AFG2A: variants seen among roughly 807,000 people sequenced by gnomAD.
The protein encoded by AFG2A is AAA ATPase AFG2A, also known as ATPase family gene 2 protein homolog A.
chr4:123,288,499 T>A, the AFG2A span, among the ~76,000 whole-genome samples: 1 of 152,146 alleles, frequency 6.6e-6, no homozygotes, highest in African/African-American at 2.4e-5. Context: ...ATGTTGAAAG[T>A]TCTTCTCTGC....
At chr4:123,099,972 G>A in the AFG2A span, among the ~76,000 whole-genome samples, 1 of 151,822 alleles carries the variant, frequency 6.6e-6, no homozygotes, top group Non-Finnish European at 1.5e-5. Flanking sequence ...AATATTTGAT[G>A]TTGTCAACGT....
At chr4:123,235,730 A>G in the AFG2A span, among the ~76,000 whole-genome samples, 2 of 152,208 alleles carry the variant, frequency 1.3e-5, no homozygotes. Flanking sequence ...TGCTGTTCTC[A>G]GTGCCCAGGG....
At chr4:122,999,274 T>C in the AFG2A span, among the ~76,000 whole-genome samples, 1 of 152,018 alleles carries the variant, frequency 6.6e-6, no homozygotes, top group African/African-American at 2.4e-5. Flanking sequence ...CTCACTCTGC[T>C]GGTAATTTCT....
At chr4:123,302,462 T>C in the AFG2A span, among the ~76,000 whole-genome samples, 1 of 152,182 alleles carries the variant, frequency 6.6e-6, no homozygotes. Flanking sequence ...ACAATTATCT[T>C]GACTATAATT....
the AFG2A span, among the ~76,000 whole-genome samples, chr4:123,305,886 T>C: frequency 6.6e-6 from 1 of 152,242 alleles, no homozygotes; most frequent in African/African-American, 2.4e-5. Context: ...ATTGTTCTTA[T>C]TCTTCATGGC....
At chr4:123,050,945 T>A in the AFG2A span, among the ~76,000 whole-genome samples, 1 of 152,056 alleles carries the variant, frequency 6.6e-6, no homozygotes, top group South Asian at 2.1e-4. Context: ...TTCACCAAGT[T>A]GGTCAGGTTG....
At chr4:123,061,415 G>T in the AFG2A span, among the ~76,000 whole-genome samples, 1 of 152,146 alleles carries the variant, frequency 6.6e-6, no homozygotes, top group East Asian at 1.9e-4. Context: ...GTTCCACATC[G>T]CTGGGGAGCC....
the AFG2A span, chr4:122,934,424 G>A: frequency 3.1e-6 from 5 of 1,614,210 alleles, no homozygotes; most frequent in Non-Finnish European, 4.2e-6. Flanking sequence ...CCTGGAGATG[G>A]CAGTGGACTT....
chr4:122,947,348 A>G, the AFG2A span: 26 of 1,613,944 alleles, frequency 1.6e-5, no homozygotes, highest in South Asian at 2.2e-5. Flanking sequence ...GGAGTTCCCA[A>G]TGCTCAGGAC....
the AFG2A span, among the ~76,000 whole-genome samples, chr4:122,968,633 A>G: frequency 6.6e-6 from 1 of 152,226 alleles, no homozygotes; most frequent in Non-Finnish European, 1.5e-5. Context: ...TAATGCCATG[A>G]ACATTCTTGC....
At chr4:123,273,896 T>G in the AFG2A span, among the ~76,000 whole-genome samples, 1 of 152,162 alleles carries the variant, frequency 6.6e-6, no homozygotes, top group African/African-American at 2.4e-5. Flanking sequence ...GGAATAGGGT[T>G]ACTTAACCTG....
At chr4:123,315,785 T>G in the AFG2A span, 1 of 152,248 alleles carries the variant, frequency 6.6e-6, no homozygotes, top group South Asian at 2.1e-4. Flanking sequence ...CATTCCTTGT[T>G]TGTTTGTTTA....
the AFG2A span, among the ~76,000 whole-genome samples, chr4:123,215,009 A>G: frequency 6.6e-6 from 1 of 152,014 alleles, no homozygotes; most frequent in African/African-American, 2.4e-5. Flanking sequence ...TCTAGCCCCC[A>G]TGCTTTTTGT....
chr4:123,204,757 A>G, the AFG2A span, among the ~76,000 whole-genome samples: 6 of 152,224 alleles, frequency 3.9e-5, no homozygotes, highest in Non-Finnish European at 5.9e-5. Flanking sequence ...GACAGTAGTC[A>G]TTACTTAAAG....
the AFG2A span, among the ~76,000 whole-genome samples, chr4:123,261,908 T>G: frequency 6.6e-6 from 1 of 152,054 alleles, no homozygotes; most frequent in African/African-American, 2.4e-5. Context: ...GCCTCCTGAG[T>G]AGCTCAGAAT....
the AFG2A span, among the ~76,000 whole-genome samples, chr4:122,932,147 C>T: frequency 1.3e-5 from 2 of 151,734 alleles, no homozygotes; most frequent in Admixed American, 6.6e-5. Context: ...TGGTGGTGAG[C>T]GCCTGTGTTC....
the AFG2A span, among the ~76,000 whole-genome samples, chr4:123,276,821 A>G: frequency 1.1e-4 from 16 of 151,756 alleles, no homozygotes; most frequent in Non-Finnish European, 2.4e-4. Context: ...TGGGTTCTCT[A>G]TTCTGTTCAT....
the AFG2A span, among the ~76,000 whole-genome samples, chr4:123,097,984 T>C: frequency 6.6e-6 from 1 of 152,104 alleles, no homozygotes; most frequent in Non-Finnish European, 1.5e-5. Flanking sequence ...TCAGTCCTCA[T>C]AAATAAAGCT....
the AFG2A span, among the ~76,000 whole-genome samples, chr4:122,955,789 A>G: frequency 6.6e-6 from 1 of 152,240 alleles, no homozygotes; most frequent in Non-Finnish European, 1.5e-5. Flanking sequence ...TATGTAGACT[A>G]TCAAGGCAAA....
Sources: gnomAD v4.1 joint callset for allele counts (sites outside exome capture counted in the v4.1 genomes callset) on GRCh38, gnomAD v4.1.1 for gene constraint, MANE v1.5 for transcripts, NCBI Gene and HGNC (gene_info 2026-07-23, HGNC 2026-07-21) for gene names.